GABRB3: variants seen among roughly 807,000 people sequenced by gnomAD.
GABRB3 encodes the protein gamma-aminobutyric acid receptor subunit beta-3.
A neutral mutation model predicts 52.1 loss-of-function variants in GABRB3; 14 were observed. That is an observed-to-expected ratio of 0.27 (90% confidence interval 0.18 to 0.42). GABRB3 has a LOEUF of 0.42. Ranked by LOEUF, GABRB3 falls within the 10% of genes least tolerant of loss-of-function variation. GABRB3 has a pLI of 1.00. For synonymous variants in GABRB3, 260 were observed against 232.3 expected (o/e 1.12, Z -1.08); for missense variants, 307 against 609.1 (o/e 0.50, Z 5.22).
At chr15:26,746,409 A>T (rs1341765190) in intron 3 of GABRB3, among the ~76,000 whole-genome samples, 1 of 152,100 alleles carries the variant, frequency 6.6e-6, no homozygotes, top group Non-Finnish European at 1.5e-5. Flanking sequence ...GAGTCTTTAG[A>T]GTCTTTTGCA....
chr15:26,640,245 C>A (rs570010495), intron 3 of GABRB3, among the ~76,000 whole-genome samples: 95 of 152,236 alleles, frequency 6.2e-4, no homozygotes, highest in African/African-American at 2.1e-3. Context: ...TGGCCGGGCG[C>A]GGTGGCTCAT....
chr15:26,641,689 T>C (rs181005023), intron 3 of GABRB3, among the ~76,000 whole-genome samples: 1 of 152,290 alleles, frequency 6.6e-6, no homozygotes, highest in East Asian at 1.9e-4. Flanking sequence ...TACCAGTTCA[T>C]GGCTGGGCCA....
chr15:26,741,248 A>T (rs770041212), intron 3 of GABRB3, among the ~76,000 whole-genome samples: 2 of 152,172 alleles, frequency 1.3e-5, no homozygotes, highest in Non-Finnish European at 2.9e-5. Flanking sequence ...TCATATGATG[A>T]ATAGTTGCTT....
At chr15:26,698,682 T>A (rs1330653395) in intron 3 of GABRB3, among the ~76,000 whole-genome samples, 5 of 152,114 alleles carry the variant, frequency 3.3e-5, no homozygotes, top group Non-Finnish European at 7.4e-5. Context: ...ATGAGCGATA[T>A]TTATGGGGCT....
At chr15:26,557,263 A>T (rs1191095719) in intron 8 of GABRB3, among the ~76,000 whole-genome samples, 3 of 152,194 alleles carry the variant, frequency 2.0e-5, no homozygotes, top group African/African-American at 7.2e-5. Flanking sequence ...AGCAGACACC[A>T]GGGACCCCTT....
intron 3 of GABRB3, among the ~76,000 whole-genome samples, chr15:26,713,973 C>T (rs74004649): frequency 0.018 from 2,743 of 152,316 alleles, 94 homozygotes; most frequent in African/African-American, 0.063. Flanking sequence ...GCACACTTGC[C>T]ATGGCGGGGC....
intron 4 of GABRB3, among the ~76,000 whole-genome samples, chr15:26,619,681 A>C (rs1405463688): frequency 6.6e-6 from 1 of 152,070 alleles, no homozygotes; most frequent in African/African-American, 2.4e-5. Flanking sequence ...TAATAAAAAT[A>C]AATAAATAAA....
intron 4 of GABRB3, among the ~76,000 whole-genome samples, chr15:26,587,857 A>T (rs975735637): frequency 5.9e-4 from 90 of 152,270 alleles, no homozygotes; most frequent in Middle Eastern, 3.4e-3. Flanking sequence ...GAATAATTTA[A>T]CAAACATCTA....
At chr15:26,548,991 C>G (rs1420440118) in intron 8 of GABRB3, among the ~76,000 whole-genome samples, 1 of 152,080 alleles carries the variant, frequency 6.6e-6, no homozygotes, top group Non-Finnish European at 1.5e-5. Context: ...TTCCACAGTC[C>G]CCTGGGCTTT....
At chr15:26,645,300 T>G (rs994210167) in intron 3 of GABRB3, among the ~76,000 whole-genome samples, 5 of 152,222 alleles carry the variant, frequency 3.3e-5, no homozygotes, top group African/African-American at 1.2e-4. Context: ...TTGGTCATTT[T>G]CTGTTTGACA....
At chr15:26,705,831 A>G (rs1170976866) in intron 3 of GABRB3, among the ~76,000 whole-genome samples, 1 of 152,138 alleles carries the variant, frequency 6.6e-6, no homozygotes, top group Non-Finnish European at 1.5e-5. Context: ...ACCATAGGGT[A>G]TCATTTAAAT....
chr15:26,670,517 C>G (rs1185352916), intron 3 of GABRB3, among the ~76,000 whole-genome samples: 2 of 152,146 alleles, frequency 1.3e-5, no homozygotes, highest in Non-Finnish European at 2.9e-5. Context: ...AGAAGAGGAG[C>G]CCAGGCCCGT....
At chr15:26,684,916 T>C (rs1463440409) in intron 3 of GABRB3, among the ~76,000 whole-genome samples, 1 of 152,220 alleles carries the variant, frequency 6.6e-6, no homozygotes, top group Non-Finnish European at 1.5e-5. Context: ...AAAATGTAAC[T>C]TGAGGACACT....
chr15:26,609,095 CACACACAT>C (rs1247325681), intron 4 of GABRB3, among the ~76,000 whole-genome samples: 666 of 59,656 alleles, frequency 0.011, 3 homozygotes, highest in Middle Eastern at 0.04. Flanking sequence ...CACACACACA[CACACACAT>C]ACACACACAC....
At chr15:26,675,814 C>T (rs1315585563) in intron 3 of GABRB3, among the ~76,000 whole-genome samples, 2 of 152,174 alleles carry the variant, frequency 1.3e-5, no homozygotes, top group Non-Finnish European at 2.9e-5. Context: ...GGTGATCAAA[C>T]ACCACCAGGC....
At chr15:26,587,439 T>C (rs73368319) in intron 4 of GABRB3, among the ~76,000 whole-genome samples, 4,072 of 151,420 alleles carry the variant, frequency 0.027, 205 homozygotes, top group African/African-American at 0.092. Flanking sequence ...AGAGAGAGAG[T>C]AGGGGTGGGG....
intron 3 of GABRB3, among the ~76,000 whole-genome samples, chr15:26,754,437 A>G (rs1464396302): frequency 6.6e-6 from 1 of 152,164 alleles, no homozygotes; most frequent in East Asian, 1.9e-4. Context: ...GGCATGCTGG[A>G]AGGAGTAAGA....
At chr15:26,597,188 A>G (rs1891423824) in intron 4 of GABRB3, among the ~76,000 whole-genome samples, 2 of 152,196 alleles carry the variant, frequency 1.3e-5, no homozygotes, top group Admixed American at 1.3e-4. Context: ...TTGGAACTCA[A>G]GGAGTTTTGG....
At chr15:26,578,487 C>G (rs1416447287) in intron 6 of GABRB3, among the ~76,000 whole-genome samples, 3 of 152,176 alleles carry the variant, frequency 2.0e-5, no homozygotes, top group African/African-American at 7.2e-5. Flanking sequence ...TGTGTTCTAC[C>G]ACATACAGAC....
Sources: allele counts gnomAD v4.1 joint callset (sites outside exome capture counted in the v4.1 genomes callset), GRCh38; gene constraint gnomAD v4.1.1; transcripts MANE v1.5; gene names NCBI Gene and HGNC (gene_info 2026-07-23, HGNC 2026-07-21).